NACC2: variants seen among roughly 807,000 people sequenced by gnomAD.
NACC2 encodes the protein NACC family member 2, also known as nucleus accumbens-associated protein 2.
Under a neutral mutation model 25.1 loss-of-function variants are expected in NACC2, and 8 were observed. The ratio of observed to expected loss-of-function variants is 0.32; its 90% CI spans 0.19 to 0.57. The LOEUF (loss-of-function observed/expected upper bound fraction) is 0.57. Ranked by LOEUF, NACC2 falls within the 20% of genes least tolerant of loss-of-function variation. The probability of loss-of-function intolerance (pLI) is 0.89; values close to 1 mark genes in which losing one functional copy is unlikely to be tolerated. For missense variants in NACC2, 644 were observed against 650.2 expected (o/e 0.99, Z 0.10); for synonymous variants, 435 against 294.7 (o/e 1.48, Z -4.88).
chr9:136,014,400 G>A (rs1479799372), intron 3 of NACC2, among the ~76,000 whole-genome samples: 1 of 152,150 alleles, frequency 6.6e-6, no homozygotes, highest in Non-Finnish European at 1.5e-5. Context: ...GACCTCCCGG[G>A]CTCCAGTGAT....
intron 1 of NACC2, among the ~76,000 whole-genome samples, chr9:136,081,149 C>T (rs1270084235): frequency 6.6e-6 from 1 of 152,182 alleles, no homozygotes; most frequent in African/African-American, 2.4e-5. Flanking sequence ...GAAGCCCAGA[C>T]CAAACGGACC....
chr9:136,077,346 CAAAA>C (rs982635230), intron 1 of NACC2, among the ~76,000 whole-genome samples: 2 of 152,002 alleles, frequency 1.3e-5, no homozygotes, highest in African/African-American at 4.8e-5. Context: ...CAAAACAAAA[CAAAA>C]AAAGCAGAAG....
Position 136,086,704 on chromosome 9 carries a change from C to T in NACC2, c.-60+8485G>A, listed in dbSNP as rs574576998. Among the ~76,000 whole-genome samples the T allele has an allele frequency of 1.8e-4, 28 of 152,326 alleles. No homozygotes were observed. The highest frequency in any genetic ancestry group is 6.5e-4 in the African/African-American group (27 of 41,568). On this transcript the variant is annotated intron_variant, in intron 1 of 5. Coordinates refer to ENST00000277554, the MANE Select transcript of NACC2 (RefSeq NM_144653.5). The surrounding 1 kb of genome is among the most constrained non-coding windows in gnomAD (Gnocchi z 5.6). ...TGACAACGCCGACTCCTAGGAAAAC[C>T]CTCCCCGACCAGTGGCCCCGTTTCC...
rs1263990198 is a variant in NACC2 at position 136,055,411 on chromosome 9, C to A, written c.-59-4831G>T. On this transcript the variant is annotated intron_variant, in intron 1 of 5. Coordinates refer to ENST00000277554, the MANE Select transcript of NACC2 (RefSeq NM_144653.5). The surrounding 1 kb of genome is among the most constrained non-coding windows in gnomAD (Gnocchi z 4.9). ...AGGTACAAGACCCCTGAAAGCATCC[C>A]CCAGGCCAGAGGACTGGGACAGGGA... Among the ~76,000 whole-genome samples, 1 of 152,132 alleles carries A rather than the reference C, an allele frequency of 6.6e-6. No individual in the cohort carries two copies. The highest frequency in any genetic ancestry group is 1.5e-5 in the Non-Finnish European group (1 of 68,020).
chr9:136,061,927 C>G (rs1841016355), intron 1 of NACC2, among the ~76,000 whole-genome samples: 1 of 152,192 alleles, frequency 6.6e-6, no homozygotes, highest in African/African-American at 2.4e-5. Context: ...CGAGACTAGC[C>G]TGGCCACCAT....
intron 1 of NACC2, among the ~76,000 whole-genome samples, chr9:136,076,992 C>A (rs948334140): frequency 6.7e-6 from 1 of 149,948 alleles, no homozygotes; most frequent in South Asian, 2.1e-4. Context: ...GGCGACAGAG[C>A]GAGACTCTGT....
chr9:136,014,839 G>A (rs926534468), intron 3 of NACC2, among the ~76,000 whole-genome samples: 5 of 152,166 alleles, frequency 3.3e-5, no homozygotes, highest in Admixed American at 6.5e-5. Flanking sequence ...GTTTACCCTC[G>A]GAAACTTGAC....
At chr9:136,046,859 A>C (rs1337829036) in intron 2 of NACC2, among the ~76,000 whole-genome samples, 1 of 152,212 alleles carries the variant, frequency 6.6e-6, no homozygotes, top group Non-Finnish European at 1.5e-5. Flanking sequence ...TGCCGGGGAC[A>C]AAAGGCAATT....
intron 1 of NACC2, among the ~76,000 whole-genome samples, chr9:136,079,377 A>G (rs1830297628): frequency 6.6e-6 from 1 of 152,184 alleles, no homozygotes; most frequent in African/African-American, 2.4e-5. Flanking sequence ...ACACTCCTAC[A>G]AGCACAGGAT....
intron 2 of NACC2, among the ~76,000 whole-genome samples, chr9:136,037,343 C>T (rs866716102): frequency 7.2e-5 from 11 of 152,100 alleles, no homozygotes; most frequent in Middle Eastern, 6.8e-3. Context: ...CCTGCCTCAG[C>T]CTCCCGAGTA....
At chr9:136,075,122 C>T (rs1048121984) in intron 1 of NACC2, among the ~76,000 whole-genome samples, 1 of 152,270 alleles carries the variant, frequency 6.6e-6, no homozygotes, top group Non-Finnish European at 1.5e-5. Flanking sequence ...GGCTTCTGCT[C>T]CCTCAAAGCG....
At chr9:136,045,784 G>A (rs1295003403) in intron 2 of NACC2, among the ~76,000 whole-genome samples, 1 of 152,172 alleles carries the variant, frequency 6.6e-6, no homozygotes, top group East Asian at 1.9e-4. Flanking sequence ...TCTGCCCTGG[G>A]GTAAAAGCAG....
At chr9:136,065,194 G>A (rs1041726155) in intron 1 of NACC2, among the ~76,000 whole-genome samples, 4 of 152,182 alleles carry the variant, frequency 2.6e-5, no homozygotes, top group Admixed American at 2.6e-4. Context: ...CAAAAGGAAA[G>A]AACAAACCAG....
chr9:136,075,422 G>A (rs4601410), intron 1 of NACC2, among the ~76,000 whole-genome samples: 22,224 of 152,270 alleles, frequency 0.15, 2,736 homozygotes, highest in African/African-American at 0.34. Flanking sequence ...GGAACTCGGA[G>A]GCGAATGTCT....
intron 2 of NACC2, among the ~76,000 whole-genome samples, chr9:136,047,233 G>T (rs1363673157): frequency 6.6e-6 from 1 of 152,182 alleles, no homozygotes; most frequent in African/African-American, 2.4e-5. Flanking sequence ...GGCACGGGGA[G>T]CTAGCACCCA....
chr9:136,085,638 G>A (rs542497886), intron 1 of NACC2, among the ~76,000 whole-genome samples: 1 of 152,348 alleles, frequency 6.6e-6, no homozygotes, highest in East Asian at 1.9e-4. Flanking sequence ...ACAGGCGGGT[G>A]GCGGGCAGCC....
intron 2 of NACC2, among the ~76,000 whole-genome samples, chr9:136,025,214 G>C (rs1396203281): frequency 6.6e-6 from 1 of 152,166 alleles, no homozygotes; most frequent in Non-Finnish European, 1.5e-5. Context: ...TGGAGAATGT[G>C]GGCACGGGCG....
At chr9:136,021,046 A>T (rs907257512) in intron 2 of NACC2, among the ~76,000 whole-genome samples, 1 of 152,230 alleles carries the variant, frequency 6.6e-6, no homozygotes, top group Admixed American at 6.5e-5. Flanking sequence ...GCTAGAATTC[A>T]TCAGAATGAA....
chr9:136,094,701 G>A (rs531151177), intron 1 of NACC2, among the ~76,000 whole-genome samples: 7 of 152,066 alleles, frequency 4.6e-5, no homozygotes, highest in African/African-American at 1.4e-4. Context: ...CGCGGGCCCG[G>A]CTGGGCCAGG....
Sources: gnomAD v4.1 joint callset for allele counts (sites outside exome capture counted in the v4.1 genomes callset) on GRCh38, gnomAD v4.1.1 for gene constraint, Gnocchi (gnomAD v3.1) non-coding constraint, MANE v1.5 for transcripts, NCBI Gene and HGNC (gene_info 2026-07-23, HGNC 2026-07-21) for gene names.